RBFOX1: variants seen among roughly 807,000 people sequenced by gnomAD.
The protein encoded by RBFOX1 is RNA binding fox-1 homolog 1, also known as RNA binding protein fox-1 homolog 1.
RBFOX1 carries 8 observed loss-of-function variants against 57.7 expected under a neutral mutation model. The ratio of observed to expected loss-of-function variants is 0.14; its 90% CI spans 0.08 to 0.25. The LOEUF (loss-of-function observed/expected upper bound fraction) is 0.25. Among genes scored for constraint, RBFOX1 ranks in the 10% least tolerant of loss-of-function variants. RBFOX1 has a pLI of 1.00. For missense variants in RBFOX1, 611 were observed against 548.5 expected, an observed-to-expected ratio of 1.11 and a Z score of -1.14; for synonymous variants, 326 against 222.4, an observed-to-expected ratio of 1.47 and a Z score of -4.15.
At chr16:6,530,083 C>T (rs747155886) in intron 2 of RBFOX1, among the ~76,000 whole-genome samples, 2 of 152,180 alleles carry the variant, frequency 1.3e-5, no homozygotes, top group Non-Finnish European at 2.9e-5. Flanking sequence ...CTTCCCTTGT[C>T]AGTCAGACTT....
intron 4 of RBFOX1, among the ~76,000 whole-genome samples, chr16:7,455,860 A>C (rs1393017656): frequency 3.9e-5 from 6 of 152,142 alleles, no homozygotes; most frequent in African/African-American, 1.4e-4. Flanking sequence ...ACTGACATTG[A>C]AACTTACTAT....
At chr16:6,794,079 G>A (rs1327821880) in intron 3 of RBFOX1, among the ~76,000 whole-genome samples, 1 of 152,066 alleles carries the variant, frequency 6.6e-6, no homozygotes, top group Admixed American at 6.6e-5. Context: ...AATAACATCT[G>A]AAATGACTGA....
intron 3 of RBFOX1, among the ~76,000 whole-genome samples, chr16:5,756,176 GTAT>G (rs1456116153): frequency 2.4e-5 from 3 of 126,484 alleles, no homozygotes; most frequent in Non-Finnish European, 4.8e-5. Context: ...CCTTTAGTGG[GTAT>G]TATTTGATTT....
intron 2 of RBFOX1, among the ~76,000 whole-genome samples, chr16:6,561,328 C>A (rs1205527582): frequency 1.3e-5 from 2 of 152,152 alleles, no homozygotes; most frequent in African/African-American, 4.8e-5. Context: ...TGCATGCATT[C>A]CGTAATACAT....
At position 7,056,962 on chromosome 16, in the gene RBFOX1, A is replaced by C. The variant is rs191310244; in HGVS notation, c.27+4864A>C. 2.2e-4 allele frequency among the ~76,000 whole-genome samples: 34 copies of C among 152,096 alleles called. 2 individuals are homozygous for C. Among genetic ancestry groups the C allele is most frequent in the Non-Finnish European group, 2.9e-5 (2 of 67,984 alleles). On this transcript the variant is annotated intron_variant, in intron 4 of 15. Transcript: ENST00000550418. ...AGTGTCTCAAAGCTTTACTTTACCTATACGTAAAATAAGAATAGCTTTCTC... is the reference window on the plus strand; with the variant it reads ...AGTGTCTCAAAGCTTTACTTTACCTCTACGTAAAATAAGAATAGCTTTCTC...
At chr16:7,700,477 A>G (rs2080309048) in intron 14 of RBFOX1, among the ~76,000 whole-genome samples, 1 of 152,178 alleles carries the variant, frequency 6.6e-6, no homozygotes, top group African/African-American at 2.4e-5. Context: ...ACCCTGCTTC[A>G]TGGAAGGGTA....
At chr16:7,654,439 C>G (rs1451636572) in intron 12 of RBFOX1, among the ~76,000 whole-genome samples, 1 of 152,146 alleles carries the variant, frequency 6.6e-6, no homozygotes, top group Non-Finnish European at 1.5e-5. Flanking sequence ...GGTGTTGAGT[C>G]ACATGCAAAC....
intron 10 of RBFOX1, among the ~76,000 whole-genome samples, chr16:7,627,966 C>T (rs1022196659): frequency 6.6e-6 from 1 of 150,740 alleles, no homozygotes; most frequent in Non-Finnish European, 1.5e-5. Context: ...TATTTCAGTC[C>T]AGGTTCTCAG....
At chr16:6,914,493 T>A (rs978503428) in intron 3 of RBFOX1, among the ~76,000 whole-genome samples, 3 of 151,970 alleles carry the variant, frequency 2.0e-5, no homozygotes, top group Non-Finnish European at 4.4e-5. Context: ...CTCCACCTCC[T>A]ACCTGAGCCA....
intron 1 of RBFOX1, among the ~76,000 whole-genome samples, chr16:6,074,058 C>A (rs1028992887): frequency 5.3e-5 from 8 of 152,126 alleles, no homozygotes; most frequent in African/African-American, 1.2e-4. Flanking sequence ...CTGCCATTCT[C>A]CTGCCTCAGC....
chr16:5,310,572 G>A (rs1054730211), intron 1 of RBFOX1, among the ~76,000 whole-genome samples: 2 of 152,120 alleles, frequency 1.3e-5, no homozygotes, highest in African/African-American at 4.8e-5. Context: ...CATTTTGGCT[G>A]GGCTAGAGAT....
intron 2 of RBFOX1, among the ~76,000 whole-genome samples, chr16:6,583,921 G>T (rs1386142345): frequency 1.3e-5 from 2 of 151,826 alleles, no homozygotes; most frequent in African/African-American, 4.8e-5. Context: ...TGTAAAGAAA[G>T]ACGATTGTAT....
intron 3 of RBFOX1, among the ~76,000 whole-genome samples, chr16:5,741,883 T>C (rs910595344): frequency 2.0e-5 from 3 of 152,250 alleles, no homozygotes; most frequent in Non-Finnish European, 4.4e-5. Flanking sequence ...TGCCGTATTA[T>C]GAAGCCAGAC....
intron 2 of RBFOX1, among the ~76,000 whole-genome samples, chr16:6,381,520 C>G (rs9927779): frequency 0.023 from 3,456 of 152,220 alleles, 139 homozygotes; most frequent in African/African-American, 0.079. Context: ...GTTTGTGTGA[C>G]CATGCTAACT....
chr16:7,706,363 G>T (rs781639040), intron 14 of RBFOX1, among the ~76,000 whole-genome samples: 2 of 152,196 alleles, frequency 1.3e-5, no homozygotes, highest in African/African-American at 4.8e-5. Flanking sequence ...CAATGCTGCT[G>T]TATTTTCCTT....
At chr16:6,990,867 T>G (rs943766074) in intron 3 of RBFOX1, among the ~76,000 whole-genome samples, 4 of 152,138 alleles carry the variant, frequency 2.6e-5, no homozygotes, top group Non-Finnish European at 4.4e-5. Flanking sequence ...GTTGCTAATT[T>G]TTTAAGATAA....
chr16:5,633,189 G>A (rs1008571786), intron 3 of RBFOX1, among the ~76,000 whole-genome samples: 3 of 151,874 alleles, frequency 2.0e-5, no homozygotes, highest in Admixed American at 6.6e-5. Flanking sequence ...CAGCTGCCTC[G>A]GCCTCCCAAA....
intron 3 of RBFOX1, among the ~76,000 whole-genome samples, chr16:6,794,753 G>A (rs1313107172): frequency 1.3e-5 from 2 of 152,144 alleles, no homozygotes; most frequent in Non-Finnish European, 2.9e-5. Context: ...ATACAAATGT[G>A]TGGTTGATGT....
At chr16:7,451,074 A>C (rs1036037722) in intron 4 of RBFOX1, among the ~76,000 whole-genome samples, 2 of 152,040 alleles carry the variant, frequency 1.3e-5, no homozygotes, top group African/African-American at 4.8e-5. Context: ...CAAGGAGGAG[A>C]CTGGCATGCC....
Sources: allele counts gnomAD v4.1 joint callset (sites outside exome capture counted in the v4.1 genomes callset), GRCh38; gene constraint gnomAD v4.1.1; transcripts MANE v1.5; gene names NCBI Gene and HGNC (gene_info 2026-07-23, HGNC 2026-07-21).